Variants in PCDHGB2 observed in about 807,000 individuals in gnomAD.
PCDHGB2 encodes protocadherin gamma subfamily B, 2.
In PCDHGB2, 55 loss-of-function variants were observed where a neutral mutation model predicts 59.3. The ratio of observed to expected loss-of-function variants is 0.93; its 90% CI spans 0.75 to 1.16. The LOEUF (loss-of-function observed/expected upper bound fraction) is 1.16, where lower values mean the gene tolerates loss of function less well. Among genes scored for constraint, PCDHGB2 ranks in the 50% most tolerant of loss-of-function variants. PCDHGB2 has a pLI of 0.00. For missense variants in PCDHGB2, 1,228 were observed against 1,198.5 expected, an observed-to-expected ratio of 1.02 and a Z score of -0.36; for synonymous variants, 516 against 512.0, an observed-to-expected ratio of 1.01 and a Z score of -0.11.
Position 141,502,866 on chromosome 5 carries a change from C to CTTTTTTTTTTTTTT in PCDHGB2, c.2481-2526_2481-2513dup, listed in dbSNP as rs549047197. Among the ~76,000 whole-genome samples the CTTTTTTTTTTTTTT allele has an allele frequency of 1.6e-4, 20 of 128,024 alleles. 4 individuals are homozygous for CTTTTTTTTTTTTTT. The highest frequency in any genetic ancestry group is 2.6e-4 in the Admixed American group (3 of 11,660). 84.0% of individuals were successfully genotyped at this position (128,024 alleles called of 152,430 possible). A position where few individuals can be genotyped will look rare whatever the true frequency, so the allele number is the denominator to read the frequency against. The stretch of plus-strand genomic sequence containing the variant: ...GAGCTGCCTAACCCTGACTCTCTGT[C>CTTTTTTTTTTTTTT]TTTTTTTTTTTTTTGACAGGGAGTC... On this transcript the variant is annotated intron_variant, in intron 2 of 3. Transcript: ENST00000522605.
Position 141,489,606 on chromosome 5 carries a change from G to A in PCDHGB2, c.2422-5201G>A. The stretch of plus-strand genomic sequence containing the variant: ...TGGAGCTAATCCGTGTAGAGGTAGA[G>A]ATCCTGGATCTCAATGACAACTCTC... On this transcript the variant is annotated intron_variant, in intron 1 of 3. Coordinates refer to ENST00000522605, the MANE Select transcript of PCDHGB2 (RefSeq NM_018923.3). This position sits in a 1 kb window ranked among gnomAD's most constrained non-coding sequence, Gnocchi z 4.5. The A allele has an allele frequency of 6.2e-7, 1 of 1,614,110 alleles. No homozygotes were observed.
Position 141,493,858 on chromosome 5 carries a change from C to A in PCDHGB2, c.2422-949C>A, listed in dbSNP as rs2099750481. Among the ~76,000 whole-genome samples, 1 of 152,184 alleles carries A rather than the reference C, an allele frequency of 6.6e-6. No homozygotes were observed. The highest frequency in any genetic ancestry group is 1.5e-5 in the Non-Finnish European group (1 of 68,030). On this transcript the variant is annotated intron_variant, in intron 1 of 3. Transcript: ENST00000522605. The surrounding 1 kb of genome is among the most constrained non-coding windows in gnomAD (Gnocchi z 4.3). ...AGTATGAGTATTAATTACCAGCCCA[C>A]CCCAGAACCAGTGAGGAGGTGGCTC...
chr5:141,372,231 G>A, intron 1 of PCDHGB2: 2 of 1,613,374 alleles, frequency 1.2e-6, no homozygotes, highest in Non-Finnish European at 8.5e-7. Flanking sequence ...GCAGGCCAGC[G>A]AGCCCGGGCT....
At chr5:141,424,762 A>T (rs1002777641) in intron 1 of PCDHGB2, 8 of 152,124 alleles carry the variant, frequency 5.3e-5, no homozygotes, top group African/African-American at 1.9e-4. Context: ...GGTCATTCTT[A>T]TGGCAAATAG....
intron 1 of PCDHGB2, chr5:141,387,848 C>A (rs746271589): frequency 1.1e-5 from 18 of 1,597,460 alleles, no homozygotes; most frequent in Non-Finnish European, 1.5e-5. Flanking sequence ...AACCCGGCGT[C>A]TCCAGGCTGG....
chr5:141,371,365 G>T, intron 1 of PCDHGB2: 1 of 1,614,006 alleles, frequency 6.2e-7, no homozygotes, highest in South Asian at 1.1e-5. Flanking sequence ...GCAAAGGATG[G>T]TGGACATCAC....
chr5:141,421,082 C>A, intron 1 of PCDHGB2: 1 of 640,114 alleles, frequency 1.6e-6, no homozygotes, highest in Non-Finnish European at 2.6e-6. Flanking sequence ...TGGATACTCA[C>A]AGATCCTGAC....
intron 1 of PCDHGB2, chr5:141,421,914 T>C: frequency 4.3e-6 from 7 of 1,613,742 alleles, no homozygotes; most frequent in Non-Finnish European, 5.9e-6. Flanking sequence ...CAGTTCCCAT[T>C]CGTGTGGTGG....
At chr5:141,509,268 G>A (rs2099875959) in intron 3 of PCDHGB2, among the ~76,000 whole-genome samples, 1 of 152,150 alleles carries the variant, frequency 6.6e-6, no homozygotes, top group South Asian at 2.1e-4. Flanking sequence ...AGTCACTCTC[G>A]CTACCCGCTC....
chr5:141,501,945 T>G (rs1318749969), intron 2 of PCDHGB2, among the ~76,000 whole-genome samples: 5 of 152,106 alleles, frequency 3.3e-5, no homozygotes, highest in African/African-American at 1.2e-4. Context: ...CACTGCTCCC[T>G]GTGACAGGTC....
In PCDHGB2 at chr5:141,490,755, C is replaced by T; in HGVS notation, c.2422-4052C>T. ...AGGTTCAGGGAGCCCCAGCCTCCTC[C>T]TTTGTGTATGTCAACCCAGAGGATG... On this transcript the variant is annotated intron_variant, in intron 1 of 3. Transcript: ENST00000522605. This position sits in a 1 kb window ranked among gnomAD's most constrained non-coding sequence, Gnocchi z 5.4. 1 of 1,614,190 alleles carries T rather than the reference C, an allele frequency of 6.2e-7. No individual in the cohort carries two copies. Among genetic ancestry groups the T allele is most frequent in the Non-Finnish European group, 8.5e-7 (1 of 1,180,026 alleles).
At chr5:141,417,972 C>T (rs2154547391) in intron 1 of PCDHGB2, 2 of 1,613,830 alleles carry the variant, frequency 1.2e-6, no homozygotes, top group Admixed American at 1.7e-5. Flanking sequence ...TACTCGATTC[C>T]GGAGGAGCTG....
rs759346998 is a variant in PCDHGB2 at position 141,410,849 on chromosome 5, CTTTTT to C, written c.2421+48311_2421+48315del. On this transcript the variant is annotated intron_variant, in intron 1 of 3. Transcript: ENST00000522605. ...CAGACTGAAGATATTTTGTCTTTGT[CTTTTT>C]TTTTTTTTTTTTTTTTTGAGATGGA... 1.3e-3 allele frequency: 178 copies of C among 137,948 alleles called. 1 individual carries two copies. Among genetic ancestry groups the C allele is most frequent in the East Asian group, 2.3e-3 (10 of 4,422 alleles). 8.5% of individuals were successfully genotyped at this position (137,948 alleles called of 1,614,324 possible). A position where few individuals can be genotyped will look rare whatever the true frequency, so the allele number is the denominator to read the frequency against.
intron 1 of PCDHGB2, among the ~76,000 whole-genome samples, chr5:141,479,846 C>A (rs1350909064): frequency 1.3e-5 from 2 of 152,194 alleles, no homozygotes; most frequent in Admixed American, 6.5e-5. Context: ...TGCAAGGTGA[C>A]TGCAAGGCCT....
intron 1 of PCDHGB2, chr5:141,383,068 C>T (rs376511249): frequency 6.2e-7 from 1 of 1,613,846 alleles, no homozygotes; most frequent in African/African-American, 1.3e-5. Flanking sequence ...GCTGGAGCCC[C>T]GGGAGCTGGC....
In PCDHGB2 at chr5:141,366,063, C is replaced by A. The variant is rs775871309; in HGVS notation, c.2421+3507C>A. ...GACGGTTCCACGGGCGTGGAGCTGG[C>A]GCCTCGCTCCGCAGAACCTGGCTAC... is the stretch of plus-strand genomic sequence containing the variant. On this transcript the variant is annotated intron_variant, in intron 1 of 3. Coordinates refer to ENST00000522605, the MANE Select transcript of PCDHGB2 (RefSeq NM_018923.3). 90 of 1,614,128 alleles carry A rather than the reference C, an allele frequency of 5.6e-5. No homozygotes were observed. The highest frequency in any genetic ancestry group is 7.3e-5 in the Non-Finnish European group (86 of 1,180,056).
intron 1 of PCDHGB2, among the ~76,000 whole-genome samples, chr5:141,373,276 G>T (rs1769464753): frequency 6.6e-6 from 1 of 152,204 alleles, no homozygotes; most frequent in Non-Finnish European, 1.5e-5. Flanking sequence ...CACAGATGTT[G>T]CCTATGTCAG....
At chr5:141,390,407 G>A in intron 1 of PCDHGB2, 1 of 1,265,446 alleles carries the variant, frequency 7.9e-7, no homozygotes, top group Non-Finnish European at 1.1e-6. Flanking sequence ...TAGGAAAGTT[G>A]TAGTCAGTTA....
chr5:141,417,732 C>T (rs2096153715), intron 1 of PCDHGB2: 4 of 1,390,342 alleles, frequency 2.9e-6, no homozygotes, highest in Admixed American at 2.8e-5. Context: ...AGACCTTGCC[C>T]AGCACACCAG....
Sources: allele counts gnomAD v4.1 joint callset (sites outside exome capture counted in the v4.1 genomes callset), GRCh38; gene constraint gnomAD v4.1.1; non-coding constraint Gnocchi (gnomAD v3.1); transcripts MANE v1.5; gene names NCBI Gene and HGNC (gene_info 2026-07-23, HGNC 2026-07-21).